The following SV2C variants were observed in gnomAD, a reference collection of about 807,000 sequenced individuals.
The protein encoded by SV2C is synaptic vesicle glycoprotein 2C, also known as solute carrier family 22 member B3.
Under a neutral mutation model 79.7 loss-of-function variants are expected in SV2C, and 49 were observed. The ratio of observed to expected loss-of-function variants is 0.61; its 90% confidence interval spans 0.49 to 0.78. The LOEUF (loss-of-function observed/expected upper bound fraction) is 0.78. Ranked by LOEUF, SV2C falls within the 30% of genes least tolerant of loss-of-function variation. SV2C has a pLI of 0.00. For missense variants in SV2C, 833 were observed against 912.9 expected, an observed-to-expected ratio of 0.91 and a Z score of 1.13; for synonymous variants, 334 against 333.2, an observed-to-expected ratio of 1.00 and a Z score of -0.03.
chr5:76,273,750 A>T (rs1350566308), intron 4 of SV2C, among the ~76,000 whole-genome samples: 1 of 152,160 alleles, frequency 6.6e-6, no homozygotes, highest in Non-Finnish European at 1.5e-5. Flanking sequence ...GTTTGTTGGA[A>T]TTTAACCCCT....
At chr5:75,947,146 C>T in the SV2C span, among the ~76,000 whole-genome samples, 1 of 151,854 alleles carries the variant, frequency 6.6e-6, no homozygotes, top group Non-Finnish European at 1.5e-5. Context: ...TTGGAGGTGC[C>T]AGTGGGAATA....
the SV2C span, among the ~76,000 whole-genome samples, chr5:75,952,659 G>T: frequency 2.6e-5 from 4 of 151,670 alleles, no homozygotes. Context: ...TCCTCCTCTT[G>T]CCATGTGATA....
In SV2C at chr5:76,266,251, A is replaced by G. The variant is rs1357482381; in HGVS notation, c.914-18911A>G. ...GAGATGGAGTCTCACTCTGTCACCCAGGCTGGAGTGCAGTGGCACAATCTC... is the reference window on the plus strand; with the variant it reads ...GAGATGGAGTCTCACTCTGTCACCCGGGCTGGAGTGCAGTGGCACAATCTC... On this transcript the variant is annotated intron_variant, in intron 4 of 12. Transcript: ENST00000502798. 2.6e-5 allele frequency among the ~76,000 whole-genome samples: 4 copies of G among 152,300 alleles called. No individual in the cohort carries two copies. The South Asian group carries it at 6.2e-4, about 24-fold the overall frequency.
Position 76,194,951 on chromosome 5 carries a change from G to T in SV2C, c.613G>T (p.Ala205Ser), listed in dbSNP as rs200809106. 3.1e-4 allele frequency: 497 copies of T among 1,614,028 alleles called. 1 individual carries two copies. The Middle Eastern group carries it at 6.4e-3, about 21-fold the overall frequency. The change falls in exon 3 of 13, where the codon GCG becomes TCG. Residue 205 changes from alanine to serine, a missense_variant. Coordinates refer to ENST00000502798, the MANE Select transcript of SV2C (RefSeq NM_014979.4). ...AGTGTACCTCGGGATGATGGTGGGG[G>T]CGTTCTTCTGGGGAGGACTGGCAGA... is the stretch of plus-strand genomic sequence containing the variant. ...SIVYLGMMVGAFFWGGLADKV... is the reference protein window; with the variant it reads ...SIVYLGMMVGSFFWGGLADKV...
the SV2C span, among the ~76,000 whole-genome samples, chr5:75,891,953 G>A: frequency 6.6e-6 from 1 of 152,060 alleles, no homozygotes; most frequent in Non-Finnish European, 1.5e-5. Context: ...CTTAGGGCCA[G>A]ATAAACCCTG....
the SV2C span, among the ~76,000 whole-genome samples, chr5:76,001,978 G>C: frequency 6.6e-6 from 1 of 151,750 alleles, no homozygotes; most frequent in African/African-American, 2.4e-5. Context: ...AGTTCCCAAA[G>C]TCCACTATAT....
chr5:76,142,643 T>C (rs13178459), intron 2 of SV2C, among the ~76,000 whole-genome samples: 62,018 of 152,032 alleles, frequency 0.41, 14,733 homozygotes, highest in Non-Finnish European at 0.54. Flanking sequence ...AATGTCATTA[T>C]TAAAATTACT....
chr5:76,002,331 T>C, the SV2C span, among the ~76,000 whole-genome samples: 1 of 152,106 alleles, frequency 6.6e-6, no homozygotes, highest in African/African-American at 2.4e-5. Context: ...CAGATTGAAA[T>C]TGGAATGAAG....
At chr5:76,079,197 A>G, upstream of SV2C, 1 of 342,116 alleles carries the variant, frequency 2.9e-6, no homozygotes, top group South Asian at 3.3e-5. Context: ...GATTTGGCAT[A>G]TACCTGGGCC....
chr5:76,079,505 G>C (rs1394233236), upstream of SV2C: 10 of 287,790 alleles, frequency 3.5e-5, no homozygotes, highest in South Asian at 2.3e-4. Flanking sequence ...TTTGACAGCT[G>C]TTCCAATCTC....
chr5:75,917,720 A>C, the SV2C span, among the ~76,000 whole-genome samples: 1 of 152,154 alleles, frequency 6.6e-6, no homozygotes, highest in Non-Finnish European at 1.5e-5. Flanking sequence ...GGTACCCCAA[A>C]AAAATAGAAA....
chr5:75,971,366 GA>G, the SV2C span, among the ~76,000 whole-genome samples: 3 of 152,156 alleles, frequency 2.0e-5, no homozygotes, highest in African/African-American at 7.2e-5. Context: ...ATTCAATTAG[GA>G]AAAGAGGAAG....
chr5:75,998,347 TA>T, the SV2C span, among the ~76,000 whole-genome samples: 69,924 of 151,116 alleles, frequency 0.46, 16,944 homozygotes, highest in Middle Eastern at 0.63. Flanking sequence ...ATGATAATAA[TA>T]AAAAAAAAGT....
intron 4 of SV2C, among the ~76,000 whole-genome samples, chr5:76,273,759 CT>C (rs1192752373): frequency 6.6e-6 from 1 of 152,172 alleles, no homozygotes; most frequent in Non-Finnish European, 1.5e-5. Context: ...AATTTAACCC[CT>C]GGACTCTCTC....
chr5:76,163,828 G>A (rs140375403), intron 2 of SV2C, among the ~76,000 whole-genome samples: 253 of 152,294 alleles, frequency 1.7e-3, no homozygotes, highest in African/African-American at 5.2e-3. Context: ...AGAAGGAGAA[G>A]CTTTTATGTA....
chr5:76,212,976 G>C (rs148402226), intron 4 of SV2C, among the ~76,000 whole-genome samples: 1 of 152,048 alleles, frequency 6.6e-6, no homozygotes, highest in African/African-American at 2.4e-5. Flanking sequence ...CTAGAATGAG[G>C]GAAAGTTGGG....
chr5:76,125,052 A>G (rs916561284), intron 1 of SV2C, among the ~76,000 whole-genome samples: 2 of 152,242 alleles, frequency 1.3e-5, no homozygotes, highest in African/African-American at 4.8e-5. Flanking sequence ...AGATTTGGAC[A>G]ACTGCTGAGG....
the SV2C span, among the ~76,000 whole-genome samples, chr5:76,030,289 T>TTTTATTTATTTATTTA: frequency 3.4e-5 from 4 of 117,874 alleles, no homozygotes; most frequent in African/African-American, 1.6e-4. Context: ...TTTTTTTTTT[T>TTTTATTTATTTATTTA]TTTATTTATT....
At chr5:76,231,604 C>T (rs1329831735) in intron 4 of SV2C, among the ~76,000 whole-genome samples, 2 of 141,946 alleles carry the variant, frequency 1.4e-5, no homozygotes, top group Non-Finnish European at 3.0e-5. Context: ...CACTCCACCA[C>T]AGTCCCCAGA....
Sources: allele counts gnomAD v4.1 joint callset (sites outside exome capture counted in the v4.1 genomes callset), GRCh38; gene constraint gnomAD v4.1.1; transcripts MANE v1.5; gene names NCBI Gene and HGNC (gene_info 2026-07-23, HGNC 2026-07-21).